Variants in HS3ST4 observed in about 807,000 individuals in gnomAD.
The protein encoded by HS3ST4 is heparan sulfate-glucosamine 3-sulfotransferase 4, also known as heparan sulfate glucosamine 3-O-sulfotransferase 4.
In HS3ST4, 17 loss-of-function variants were observed where a neutral mutation model predicts 29.2. The ratio of observed to expected loss-of-function variants is 0.58; its 90% CI spans 0.40 to 0.87. The LOEUF (loss-of-function observed/expected upper bound fraction) is 0.87, where lower values mean the gene tolerates loss of function less well. Ranked by LOEUF, HS3ST4 falls within the 40% of genes least tolerant of loss-of-function variation. The pLI, the probability that HS3ST4 is intolerant of heterozygous loss-of-function variation, is 0.00. For synonymous variants in HS3ST4, 314 were observed against 285.7 expected (o/e 1.10, Z -1.00); for missense variants, 627 against 634.5 (o/e 0.99, Z 0.13).
chr16:25,994,000 G>GTGTGTGTGTGTT (rs1567289570), intron 1 of HS3ST4, among the ~76,000 whole-genome samples: 1 of 145,928 alleles, frequency 6.9e-6, no homozygotes, highest in Non-Finnish European at 1.5e-5. Flanking sequence ...GTGTGTGTGT[G>GTGTGTGTGTGTT]TGTGTGTGGT....
intron 1 of HS3ST4, among the ~76,000 whole-genome samples, chr16:25,896,075 C>CAG (rs1286628614): frequency 3.3e-5 from 5 of 152,146 alleles, no homozygotes; most frequent in Non-Finnish European, 4.4e-5. Context: ...CCTTGACCAA[C>CAG]AGAATCTCAG....
intron 1 of HS3ST4, among the ~76,000 whole-genome samples, chr16:26,022,217 C>T (rs1969420026): frequency 6.6e-6 from 1 of 152,100 alleles, no homozygotes; most frequent in Non-Finnish European, 1.5e-5. Context: ...TACCCTCCTG[C>T]CTCGTCCTCC....
chr16:25,940,350 C>A (rs1044783862), intron 1 of HS3ST4, among the ~76,000 whole-genome samples: 1 of 151,960 alleles, frequency 6.6e-6, no homozygotes, highest in Non-Finnish European at 1.5e-5. Context: ...GGGTTAGGCA[C>A]CAGGCCAAAG....
intron 1 of HS3ST4, among the ~76,000 whole-genome samples, chr16:25,699,024 T>C (rs1290731194): frequency 6.6e-6 from 1 of 152,240 alleles, no homozygotes; most frequent in Non-Finnish European, 1.5e-5. Context: ...CAGGTTTTGA[T>C]TTGAAATCTT....
chr16:25,722,996 A>G (rs1421827986), intron 1 of HS3ST4, among the ~76,000 whole-genome samples: 1 of 152,226 alleles, frequency 6.6e-6, no homozygotes, highest in East Asian at 1.9e-4. Context: ...GTCTTACATG[A>G]CAGGAGACAA....
intron 1 of HS3ST4, among the ~76,000 whole-genome samples, chr16:25,762,933 C>A (rs1224729656): frequency 6.7e-6 from 1 of 150,318 alleles, no homozygotes; most frequent in Non-Finnish European, 1.5e-5. Flanking sequence ...CCAGAAGGGC[C>A]AGGTGCCCAG....
intron 1 of HS3ST4, among the ~76,000 whole-genome samples, chr16:25,969,890 C>T (rs2141705858): frequency 6.6e-6 from 1 of 152,320 alleles, no homozygotes; most frequent in East Asian, 1.9e-4. Context: ...CTGTTATGGT[C>T]ATGTGCCCTG....
intron 1 of HS3ST4, among the ~76,000 whole-genome samples, chr16:25,851,940 C>A (rs1053274525): frequency 1.3e-5 from 2 of 152,194 alleles, no homozygotes; most frequent in African/African-American, 4.8e-5. Context: ...CTATGTGCTT[C>A]AGGTCCTGCC....
At chr16:25,828,578 C>G (rs1370841450) in intron 1 of HS3ST4, among the ~76,000 whole-genome samples, 1 of 151,810 alleles carries the variant, frequency 6.6e-6, no homozygotes, top group East Asian at 1.9e-4. Flanking sequence ...TGGGCTCAAG[C>G]AATCCACCCA....
chr16:26,040,438 G>T (rs1387526767), intron 1 of HS3ST4, among the ~76,000 whole-genome samples: 1 of 151,910 alleles, frequency 6.6e-6, no homozygotes, highest in Non-Finnish European at 1.5e-5. Context: ...TGAGTAGCTG[G>T]GATTACAGGC....
intron 1 of HS3ST4, among the ~76,000 whole-genome samples, chr16:25,721,589 T>C (rs1291811351): frequency 6.6e-6 from 1 of 152,196 alleles, no homozygotes; most frequent in Non-Finnish European, 1.5e-5. Context: ...ACCATCACAC[T>C]GAAAATGAAA....
chr16:25,743,837 C>T (rs897850838), intron 1 of HS3ST4, among the ~76,000 whole-genome samples: 1 of 152,158 alleles, frequency 6.6e-6, no homozygotes, highest in Non-Finnish European at 1.5e-5. Flanking sequence ...TTTCCTCTGA[C>T]TCTCACATCT....
intron 1 of HS3ST4, among the ~76,000 whole-genome samples, chr16:25,850,001 C>CTTTT (rs11342321): frequency 7.5e-6 from 1 of 133,906 alleles, no homozygotes; most frequent in Non-Finnish European, 1.6e-5. Flanking sequence ...GCCTAGATGC[C>CTTTT]TTTTTTTTTT....
intron 1 of HS3ST4, among the ~76,000 whole-genome samples, chr16:25,903,367 A>ATATATATGTATATGTATATAT (rs1567268748): frequency 0.025 from 1,448 of 58,380 alleles, 25 homozygotes; most frequent in South Asian, 0.05. Context: ...TGTATATCTT[A>ATATATATGTATATGTATATAT]TATATATATA....
At chr16:25,968,174 C>T (rs2141705088) in intron 1 of HS3ST4, among the ~76,000 whole-genome samples, 1 of 152,266 alleles carries the variant, frequency 6.6e-6, no homozygotes, top group Middle Eastern at 3.4e-3. Flanking sequence ...GATGGAAGGA[C>T]TGCGGGCGGA....
intron 1 of HS3ST4, among the ~76,000 whole-genome samples, chr16:26,098,731 A>G (rs1898957606): frequency 6.6e-6 from 1 of 151,702 alleles, no homozygotes; most frequent in Admixed American, 6.6e-5. Flanking sequence ...CTTAAAGTAT[A>G]ATAAAAAAAA....
intron 1 of HS3ST4, among the ~76,000 whole-genome samples, chr16:26,006,275 G>A (rs1318322910): frequency 2.3e-5 from 3 of 133,170 alleles, no homozygotes; most frequent in Non-Finnish European, 4.7e-5. Flanking sequence ...CTCCAGCCTA[G>A]GTGACAAAGT....
chr16:25,760,016 A>T (rs1045970731), intron 1 of HS3ST4, among the ~76,000 whole-genome samples: 1 of 152,194 alleles, frequency 6.6e-6, no homozygotes, highest in African/African-American at 2.4e-5. Flanking sequence ...ACTGAGGCTA[A>T]CAGAGATGAA....
chr16:26,070,760 T>C (rs1468450497), intron 1 of HS3ST4, among the ~76,000 whole-genome samples: 3 of 152,240 alleles, frequency 2.0e-5, no homozygotes, highest in Admixed American at 2.0e-4. Flanking sequence ...TTCTCTGCTC[T>C]GGTCTTCCTG....
Sources: gnomAD v4.1 joint callset for allele counts (sites outside exome capture counted in the v4.1 genomes callset) on GRCh38, gnomAD v4.1.1 for gene constraint, MANE v1.5 for transcripts, NCBI Gene and HGNC (gene_info 2026-07-23, HGNC 2026-07-21) for gene names.